NCKAP5: variants seen among roughly 807,000 people sequenced by gnomAD.
NCKAP5 encodes the protein NCK associated protein 5.
In NCKAP5, 92 loss-of-function variants were observed where a neutral mutation model predicts 167.0. That is an observed-to-expected ratio of 0.55 (90% CI 0.47 to 0.66). The LOEUF (loss-of-function observed/expected upper bound fraction) is 0.66. NCKAP5 is among the 30% of genes least tolerant of loss of function. The probability of loss-of-function intolerance (pLI) is 0.00; values close to 1 mark genes in which losing one functional copy is unlikely to be tolerated. For missense variants in NCKAP5, 2,378 were observed against 2,315.0 expected (o/e 1.03, Z -0.56); for synonymous variants, 891 against 877.4 (o/e 1.02, Z -0.27).
intron 3 of NCKAP5, among the ~76,000 whole-genome samples, chr2:133,410,805 T>C (rs1478487264): frequency 6.6e-6 from 1 of 152,220 alleles, no homozygotes; most frequent in African/African-American, 2.4e-5. Context: ...ACCATGGCTG[T>C]ACATTAAAAT....
chr2:133,612,015 A>T, the NCKAP5 span, among the ~76,000 whole-genome samples: 2 of 152,202 alleles, frequency 1.3e-5, no homozygotes, highest in African/African-American at 4.8e-5. Flanking sequence ...TCAGGTAGGT[A>T]TACTGTTAAC....
intron 4 of NCKAP5, among the ~76,000 whole-genome samples, chr2:133,258,670 A>C (rs1029007031): frequency 6.6e-6 from 1 of 151,912 alleles, no homozygotes; most frequent in Non-Finnish European, 1.5e-5. Context: ...ACTTGAGCCC[A>C]GGGAGGTTGA....
chr2:133,428,887 G>A (rs1241866034), intron 3 of NCKAP5, among the ~76,000 whole-genome samples: 1 of 152,114 alleles, frequency 6.6e-6, no homozygotes, highest in Non-Finnish European at 1.5e-5. Context: ...GTTATTAAAA[G>A]TGTTGGGAAC....
At chr2:133,526,698 C>T (rs528998518) in intron 2 of NCKAP5, among the ~76,000 whole-genome samples, 56 of 152,268 alleles carry the variant, frequency 3.7e-4, no homozygotes, top group Non-Finnish European at 6.6e-4. Context: ...AGATCTCCCC[C>T]TGCACCACCA....
rs1343261998 is a variant in NCKAP5, at chr2:132,783,662, G to A, written c.3149C>T (p.Pro1050Leu). The change falls in exon 14 of 20, where the codon CCT (proline) becomes CTT (leucine). Residue 1050 changes from proline to leucine, a missense_variant. Pro to Leu is a moderately conservative substitution (Grantham distance 98). Around this residue, in one of 3 missense-constraint regions of NCKAP5, gnomAD observed 1,325 missense variants for 1,274.5 expected, o/e 1.04. Coordinates refer to ENST00000409261, the MANE Select transcript of NCKAP5 (RefSeq NM_207363.3). ...SPKRGVPKTS[P>L]RQTLGTPQRD... ...TTGTGGGGTCCCAAGTGTTTGGCGA[G>A]GAGAGGTTTTGGGGACACCTCTCTT... The A allele has an allele frequency of 2.5e-6, 4 of 1,613,954 alleles. No homozygotes were observed. The highest frequency in any genetic ancestry group is 3.4e-6 in the Non-Finnish European group (4 of 1,179,894).
chr2:133,097,908 G>A (rs535558352), intron 6 of NCKAP5, among the ~76,000 whole-genome samples: 1 of 152,276 alleles, frequency 6.6e-6, no homozygotes, highest in African/African-American at 2.4e-5. Flanking sequence ...ATCTGGGTGA[G>A]TCCTGTTACC....
chr2:133,356,293 A>C (rs948628562), intron 3 of NCKAP5, among the ~76,000 whole-genome samples: 7 of 152,192 alleles, frequency 4.6e-5, no homozygotes, highest in African/African-American at 1.2e-4. Flanking sequence ...ACAACCTCTC[A>C]GGGGTACTGT....
At chr2:133,365,036 C>T (rs1276651223) in intron 3 of NCKAP5, among the ~76,000 whole-genome samples, 2 of 152,112 alleles carry the variant, frequency 1.3e-5, no homozygotes, top group African/African-American at 4.8e-5. Flanking sequence ...CAGGTGTGAG[C>T]CACCATGCCT....
intron 13 of NCKAP5, among the ~76,000 whole-genome samples, chr2:132,788,206 G>A (rs988788215): frequency 5.3e-5 from 8 of 152,210 alleles, no homozygotes; most frequent in Non-Finnish European, 1.2e-4. Context: ...CCTTTGCTGC[G>A]AAAGTTGGAA....
chr2:133,529,847 CTTAAA>C, intron 2 of NCKAP5, among the ~76,000 whole-genome samples: 1 of 152,278 alleles, frequency 6.6e-6, no homozygotes, highest in East Asian at 1.9e-4. Context: ...GGATTGCCTA[CTTAAA>C]TTATTTGCTC....
chr2:132,858,954 GA>G (rs1162550579), intron 11 of NCKAP5, among the ~76,000 whole-genome samples: 1 of 151,664 alleles, frequency 6.6e-6, no homozygotes, highest in African/African-American at 2.4e-5. Context: ...AGGCAGAACA[GA>G]AAAAAAATCA....
At chr2:133,407,896 C>A (rs1416544692) in intron 3 of NCKAP5, among the ~76,000 whole-genome samples, 1 of 152,158 alleles carries the variant, frequency 6.6e-6, no homozygotes, top group East Asian at 1.9e-4. Flanking sequence ...GGTTAGCCAG[C>A]AGTAGAACAG....
intron 3 of NCKAP5, among the ~76,000 whole-genome samples, chr2:133,353,705 A>T (rs1272642573): frequency 6.6e-6 from 1 of 152,210 alleles, no homozygotes; most frequent in Non-Finnish European, 1.5e-5. Context: ...GGAATGAGAC[A>T]GCAAAGAAAG....
chr2:133,538,931 GTTTTTTTTTTT>G (rs71412735), intron 2 of NCKAP5, among the ~76,000 whole-genome samples: 212 of 108,544 alleles, frequency 2.0e-3, no homozygotes, highest in African/African-American at 7.5e-3. Flanking sequence ...GTTTTTTTGG[GTTTTTTTTTTT>G]TTTTTTTTTT....
Position 132,942,924 on chromosome 2 carries a change from C to T in NCKAP5, c.579+20796G>A, listed in dbSNP as rs569514988. On this transcript the variant is annotated intron_variant, in intron 8 of 19. Transcript: ENST00000409261. ...GTAACTCTTAGGAAGAGCAACGAAACAGTTTGCTAAAACCTGGTTAGTCTG... is the reference window on the plus strand; with the variant it reads ...GTAACTCTTAGGAAGAGCAACGAAATAGTTTGCTAAAACCTGGTTAGTCTG... Among the ~76,000 whole-genome samples the T allele has an allele frequency of 3.9e-5, 6 of 152,300 alleles. No homozygotes were observed. In the East Asian group the frequency reaches 1.2e-3, roughly 29 times the overall value.
chr2:133,205,994 C>T (rs2085934529), intron 5 of NCKAP5, among the ~76,000 whole-genome samples: 1 of 152,126 alleles, frequency 6.6e-6, no homozygotes, highest in Admixed American at 6.6e-5. Context: ...ACAATCATTA[C>T]TTGCAAATAA....
intron 3 of NCKAP5, among the ~76,000 whole-genome samples, chr2:133,333,434 G>T (rs1683001268): frequency 6.6e-6 from 1 of 152,118 alleles, no homozygotes; most frequent in Non-Finnish European, 1.5e-5. Context: ...GAATGTTAAT[G>T]CTCTCTGCTT....
chr2:133,414,514 T>C (rs1018127689), intron 3 of NCKAP5, among the ~76,000 whole-genome samples: 1 of 152,138 alleles, frequency 6.6e-6, no homozygotes, highest in Non-Finnish European at 1.5e-5. Context: ...AGGTCATTCT[T>C]GTTGCACCAA....
At chr2:133,647,350 GGAAAGAAAGGAAGGAAGGAA>G in the NCKAP5 span, among the ~76,000 whole-genome samples, 16 of 109,640 alleles carry the variant, frequency 1.5e-4, no homozygotes, top group African/African-American at 5.6e-4. Context: ...AGGAAAGAAA[GGAAAGAAAGGAAGGAAGGAA>G]GAAAGAAAGG....
Sources: allele counts gnomAD v4.1 joint callset (sites outside exome capture counted in the v4.1 genomes callset), GRCh38; gene constraint gnomAD v4.1.1; regional missense constraint gnomAD v4.1.1; transcripts MANE v1.5; gene names NCBI Gene and HGNC (gene_info 2026-07-23, HGNC 2026-07-21).